Variants in CCDC13 observed in about 807,000 individuals in gnomAD.
CCDC13 encodes coiled-coil domain-containing protein 13.
CCDC13 carries 70 observed loss-of-function variants against 87.3 expected under a neutral mutation model. The ratio of observed to expected loss-of-function variants is 0.80; its 90% CI spans 0.66 to 0.98. The LOEUF (loss-of-function observed/expected upper bound fraction) is 0.98, where lower values mean the gene tolerates loss of function less well. Among genes scored for constraint, CCDC13 ranks in the 50% least tolerant of loss-of-function variants. The pLI is 0.00. For missense variants in CCDC13, 842 were observed against 892.0 expected, an observed-to-expected ratio of 0.94 and a Z score of 0.71; for synonymous variants, 317 against 360.3, an observed-to-expected ratio of 0.88 and a Z score of 1.36.
chr3:42,772,267 C>CAAAAAAAAAAAAAAAAAAAAAGGAA (rs1700136548), intron 1 of CCDC13, among the ~76,000 whole-genome samples: 1 of 113,870 alleles, frequency 8.8e-6, no homozygotes. Flanking sequence ...GAGACTCCGT[C>CAAAAAAAAAAAAAAAAAAAAAGGAA]AAAAAAAAAA....
At chr3:42,713,789 A>G (rs1698367183) in intron 13 of CCDC13, 2 of 152,492 alleles carry the variant, frequency 1.3e-5, no homozygotes, top group East Asian at 1.9e-4. Flanking sequence ...TATCACAGCT[A>G]TAACAAATTA....
intron 13 of CCDC13, among the ~76,000 whole-genome samples, chr3:42,723,658 G>GA (rs1290431612): frequency 2.0e-5 from 3 of 152,042 alleles, no homozygotes; most frequent in African/African-American, 4.8e-5. Flanking sequence ...TAGGTTAAAG[G>GA]AAAAAATCAG....
In CCDC13 at chr3:42,742,851, C is replaced by A; in HGVS notation, c.987+45G>T. On this transcript the variant is annotated intron_variant, in intron 8 of 15. Transcript: ENST00000310232. ...GAGCCCTTGCAGGCACCATCATGATCTCTCGTTCCCACATGCCCAGCTGAC... is the reference window on the plus strand; with the variant it reads ...GAGCCCTTGCAGGCACCATCATGATATCTCGTTCCCACATGCCCAGCTGAC... 2.5e-6 allele frequency: 4 copies of A among 1,607,096 alleles called. No individual in the cohort carries two copies. In the South Asian group the frequency reaches 4.4e-5, roughly 18 times the overall value.
chr3:42,726,471 G>A (rs1225708439), intron 13 of CCDC13, among the ~76,000 whole-genome samples: 1 of 152,172 alleles, frequency 6.6e-6, no homozygotes, highest in Non-Finnish European at 1.5e-5. Flanking sequence ...GCCCAAAATA[G>A]TAAGGGTAAA....
At chr3:42,728,727 C>T (rs537298420) in intron 13 of CCDC13, among the ~76,000 whole-genome samples, 1 of 152,166 alleles carries the variant, frequency 6.6e-6, no homozygotes, top group African/African-American at 2.4e-5. Flanking sequence ...TAGCAATAAC[C>T]TCAAGGAAAA....
At chr3:42,739,135 G>A (rs1417596135) in intron 9 of CCDC13, among the ~76,000 whole-genome samples, 1 of 152,186 alleles carries the variant, frequency 6.6e-6, no homozygotes, top group Non-Finnish European at 1.5e-5. Flanking sequence ...CAGTTGTATG[G>A]TCTTAGATGA....
Position 42,742,982 on chromosome 3 carries a change from A to T in CCDC13, c.901T>A (p.Tyr301Asn). ...AGTASDELSV[Y>N]PDPRKLSAQE... ...GCCGACAGCTTCCTTGGGTCTGGAT[A>T]GACAGACAACTCATCACTGGCTGTT... Residue 301 changes from tyrosine (Y) to asparagine (N), a missense_variant, in exon 8 of 16, where the codon TAT becomes AAT. Transcript: ENST00000310232. 6.2e-7 allele frequency: 1 copy of T among 1,614,170 alleles called. No individual in the cohort carries two copies. The highest frequency in any genetic ancestry group is 1.1e-5 in the South Asian group (1 of 91,066).
At chr3:42,744,709 G>C (rs978018904) in intron 7 of CCDC13, among the ~76,000 whole-genome samples, 1 of 151,016 alleles carries the variant, frequency 6.6e-6, no homozygotes, top group African/African-American at 2.4e-5. Flanking sequence ...GGAGGCTGAG[G>C]CAGGAGAATG....
Position 42,708,958 on chromosome 3 carries a change from A to G in CCDC13, c.*22T>C. On this transcript the variant is annotated 3_prime_UTR_variant, in exon 16 of 16. Coordinates refer to ENST00000310232, the MANE Select transcript of CCDC13 (RefSeq NM_144719.4). ...AAGACCTGAGGCTGCCCACCCGGCC[A>G]GGCCGACACTGGGCTGTCATCCTAT... 2 of 1,599,174 alleles carry G rather than the reference A, an allele frequency of 1.3e-6. No individual in the cohort carries two copies. The highest frequency in any genetic ancestry group is 1.7e-6 in the Non-Finnish European group (2 of 1,172,976).
At chr3:42,768,551 G>A (rs868135708) in intron 1 of CCDC13, among the ~76,000 whole-genome samples, 2 of 151,996 alleles carry the variant, frequency 1.3e-5, no homozygotes, top group South Asian at 2.1e-4. Flanking sequence ...AAAAAAATTA[G>A]CTGGGCATGT....
chr3:42,733,197 C>T (rs981729686), intron 11 of CCDC13, among the ~76,000 whole-genome samples: 2 of 152,160 alleles, frequency 1.3e-5, no homozygotes, highest in Non-Finnish European at 2.9e-5. Context: ...GTTTGAAGGC[C>T]CCAGGGGCAG....
chr3:42,744,374 G>A (rs1699328085), intron 7 of CCDC13, among the ~76,000 whole-genome samples: 1 of 152,158 alleles, frequency 6.6e-6, no homozygotes, highest in African/African-American at 2.4e-5. Flanking sequence ...GTAAACTTGA[G>A]CCAGGAAAGG....
At position 42,739,784 on chromosome 3, in the gene CCDC13, G is replaced by T. The variant is rs62246603; in HGVS notation, c.1014C>A (p.Leu338=). The part of the protein sequence containing the change: ...LEKLASERDV[L]QRELEELKKK... ...TTTTTAGCTCTTCAAGCTCTCTCTG[G>T]AGGACATCCCGTTCACTGGCAAGTT... The change falls in exon 9 of 16, where the codon CTC becomes CTA. Residue 338 remains leucine, a synonymous_variant. Transcript: ENST00000310232. The T allele has an allele frequency of 0.26, 426,643 of 1,612,864 alleles. 58,088 individuals carry two copies. The highest frequency in any genetic ancestry group is 0.28 in the Non-Finnish European group (326,492 of 1,178,968).
intron 1 of CCDC13, among the ~76,000 whole-genome samples, chr3:42,758,993 T>C (rs1474759382): frequency 6.6e-6 from 1 of 152,230 alleles, no homozygotes; most frequent in East Asian, 1.9e-4. Context: ...GGTTTCTTTT[T>C]AGTCAGTCTA....
intron 13 of CCDC13, among the ~76,000 whole-genome samples, chr3:42,714,943 C>T (rs1698394602): frequency 6.6e-6 from 1 of 152,140 alleles, no homozygotes; most frequent in African/African-American, 2.4e-5. Flanking sequence ...TATGATAGAG[C>T]TGTGCTGCCC....
At chr3:42,761,569 G>A (rs1303755633) in intron 1 of CCDC13, among the ~76,000 whole-genome samples, 1 of 152,200 alleles carries the variant, frequency 6.6e-6, no homozygotes, top group African/African-American at 2.4e-5. Flanking sequence ...CTGTAGCAGG[G>A]CCTGGTATAT....
At chr3:42,747,112 G>C in intron 6 of CCDC13, 145 bp downstream of exon 6, 1 of 778,152 alleles carries the variant, frequency 1.3e-6, no homozygotes, top group East Asian at 2.4e-5. Flanking sequence ...AGGAAGGACT[G>C]GAACTGGAGC....
intron 13 of CCDC13, among the ~76,000 whole-genome samples, chr3:42,729,816 T>C (rs1023697427): frequency 2.0e-5 from 3 of 152,240 alleles, no homozygotes; most frequent in Admixed American, 2.0e-4. Flanking sequence ...GACTGATACA[T>C]GATATAGCCT....
chr3:42,733,607 A>AT lies in CCDC13; in HGVS notation c.1373dup (p.Tyr458Ter), dbSNP rs754641886. The AT allele has an allele frequency of 2.5e-6, 4 of 1,604,578 alleles. No individual in the cohort carries two copies. In the Admixed American group the frequency reaches 6.9e-5, roughly 28 times the overall value. Residue 458 changes from tyrosine to a stop codon, truncating the protein, a stop_gained and frameshift_variant and splice_region_variant, in exon 11 of 16, where the codon TAT (tyrosine) becomes TAAT (stop). Transcript: ENST00000310232. LOFTEE classifies it high-confidence loss of function. The stretch of plus-strand genomic sequence containing the variant: ...CCTCACCCACTCCTTTATTCCGAAG[A>AT]TACTGTAGGAACAGATGTGGGTTCC... ...EMEIGQLNVH[Y>*]LRNKGVGEGS...
Sources: allele counts gnomAD v4.1 joint callset (sites outside exome capture counted in the v4.1 genomes callset), GRCh38; gene constraint gnomAD v4.1.1; transcripts MANE v1.5; gene names NCBI Gene and HGNC (gene_info 2026-07-23, HGNC 2026-07-21).